The following DACH2 variants were observed in gnomAD, a reference collection of about 807,000 sequenced individuals.
DACH2 encodes the protein dachshund homolog 2.
A neutral mutation model predicts 35.8 loss-of-function variants in DACH2; 17 were observed. The ratio of observed to expected loss-of-function variants is 0.48; its 90% CI spans 0.33 to 0.71. The LOEUF is 0.71. DACH2 is among the 30% of genes least tolerant of loss of function. The pLI is 0.02. For synonymous variants in DACH2, 195 were observed against 177.3 expected, an observed-to-expected ratio of 1.10 and a Z score of -0.79; for missense variants, 469 against 472.7, an observed-to-expected ratio of 0.99 and a Z score of 0.07.
intron 3 of DACH2, among the ~76,000 whole-genome samples, chrX:86,568,903 G>C (rs780324082): frequency 9.0e-6 from 1 of 111,615 alleles, no homozygotes; most frequent in East Asian, 2.8e-4. Context: ...CGTTACGTCT[G>C]TCTTGATCAC....
chrX:86,488,762 G>A (rs2038052789), intron 2 of DACH2, among the ~76,000 whole-genome samples: 1 of 111,406 alleles, frequency 9.0e-6, no homozygotes, highest in Admixed American at 9.6e-5. Flanking sequence ...TAAAACTTTA[G>A]AAGTATTTAA....
At chrX:86,606,007 G>A (rs2039853292) in intron 3 of DACH2, among the ~76,000 whole-genome samples, 1 of 110,948 alleles carries the variant, frequency 9.0e-6, no homozygotes, top group Non-Finnish European at 1.9e-5. Flanking sequence ...TGGTCCCCAT[G>A]TGATACTTTT....
At chrX:86,331,616 A>C (rs1272758928) in intron 1 of DACH2, among the ~76,000 whole-genome samples, 1 of 111,747 alleles carries the variant, frequency 8.9e-6, no homozygotes, top group Non-Finnish European at 1.9e-5. Context: ...TGGCAGAAAA[A>C]TGTGCATATC....
intron 2 of DACH2, among the ~76,000 whole-genome samples, chrX:86,441,664 T>A (rs980767594): frequency 9.1e-6 from 1 of 109,967 alleles, no homozygotes; most frequent in African/African-American, 3.3e-5. Context: ...ATACACCTAG[T>A]AGTGAGATTG....
chrX:86,684,555 A>G (rs1261793107), intron 4 of DACH2, among the ~76,000 whole-genome samples: 1 of 111,402 alleles, frequency 9.0e-6, no homozygotes. Context: ...ATGGGTAGGT[A>G]TATATACTTA....
At chrX:86,578,215 G>A (rs2039459014) in intron 3 of DACH2, among the ~76,000 whole-genome samples, 1 of 111,049 alleles carries the variant, frequency 9.0e-6, no homozygotes, top group African/African-American at 3.3e-5. Flanking sequence ...AATTCAGCTG[G>A]TGTCACTGCA....
chrX:86,170,847 C>T (rs1211238604), intron 1 of DACH2, among the ~76,000 whole-genome samples: 1 of 112,339 alleles, frequency 8.9e-6, no homozygotes, highest in East Asian at 2.8e-4. Flanking sequence ...TGGTTTTCTA[C>T]ATTTTAGGGA....
intron 1 of DACH2, among the ~76,000 whole-genome samples, chrX:86,301,206 G>A (rs1209276327): frequency 1.8e-5 from 2 of 111,864 alleles, no homozygotes; most frequent in Non-Finnish European, 3.8e-5. Flanking sequence ...GGAGAGAAAA[G>A]TGATGGAATT....
chrX:86,794,550 A>T (rs2042216913), intron 7 of DACH2, among the ~76,000 whole-genome samples: 1 of 110,665 alleles, frequency 9.0e-6, no homozygotes. Context: ...TCCATTGAAA[A>T]GCAAATAAAA....
At chrX:86,160,378 G>A (rs2147862783) in intron 1 of DACH2, 1 of 693,102 alleles carries the variant, frequency 1.4e-6, no homozygotes. Flanking sequence ...AGTCTGAGAA[G>A]CTCTCAATAC....
intron 1 of DACH2, among the ~76,000 whole-genome samples, chrX:86,334,760 T>C (rs1359527791): frequency 3.6e-5 from 4 of 112,196 alleles, no homozygotes; most frequent in African/African-American, 1.3e-4. Context: ...CTCTTTAGTT[T>C]AGTTAGATCC....
chrX:86,822,149 TTTTAC>T (rs1394366768), intron 11 of DACH2, among the ~76,000 whole-genome samples: 6 of 112,210 alleles, frequency 5.3e-5, no homozygotes, highest in African/African-American at 1.9e-4. Flanking sequence ...CTAAGTCAAG[TTTTAC>T]TTTTTTACTT....
chrX:86,387,455 T>A (rs2036138121), intron 2 of DACH2, among the ~76,000 whole-genome samples: 1 of 111,650 alleles, frequency 9.0e-6, no homozygotes, highest in Non-Finnish European at 1.9e-5. Context: ...GAATTTGTCT[T>A]TGGAAATCTT....
intron 1 of DACH2, among the ~76,000 whole-genome samples, chrX:86,217,512 A>G (rs1285776043): frequency 1.3e-4 from 14 of 111,828 alleles, no homozygotes; most frequent in Non-Finnish European, 2.6e-4. Context: ...TGGTAAGTTC[A>G]GACAGTGATA....
intron 1 of DACH2, among the ~76,000 whole-genome samples, chrX:86,246,610 G>A (rs779446494): frequency 1.6e-4 from 18 of 112,197 alleles, no homozygotes; most frequent in African/African-American, 1.6e-4. Context: ...TTTCAGACAA[G>A]TAAATGCTAA....
At chrX:86,693,887 G>A (rs1247104585) in intron 4 of DACH2, among the ~76,000 whole-genome samples, 1 of 111,842 alleles carries the variant, frequency 8.9e-6, no homozygotes. Context: ...TGCTTATAAT[G>A]TAAAAATGGG....
intron 3 of DACH2, among the ~76,000 whole-genome samples, chrX:86,528,886 C>T (rs1049948967): frequency 4.5e-5 from 5 of 111,811 alleles, no homozygotes; most frequent in African/African-American, 6.5e-5. Flanking sequence ...ATGACCAAGT[C>T]AGGGTATTCA....
chrX:86,257,793 A>G (rs2033551521), intron 1 of DACH2, among the ~76,000 whole-genome samples: 1 of 112,210 alleles, frequency 8.9e-6, no homozygotes, highest in South Asian at 3.6e-4. Context: ...GACAATAACT[A>G]TATAAAAATA....
intron 7 of DACH2, among the ~76,000 whole-genome samples, chrX:86,806,925 T>G (rs988475671): frequency 9.0e-6 from 1 of 111,274 alleles, no homozygotes; most frequent in African/African-American, 3.3e-5. Context: ...TGATCGGGGG[T>G]GAAGGGCTTT....
Sources: allele counts gnomAD v4.1 joint callset (sites outside exome capture counted in the v4.1 genomes callset), GRCh38; gene constraint gnomAD v4.1.1; transcripts MANE v1.5; gene names NCBI Gene and HGNC (gene_info 2026-07-23, HGNC 2026-07-21).